Variants in RBFOX1 observed in about 807,000 individuals in gnomAD.
RBFOX1 encodes the protein RNA binding fox-1 homolog 1.
RBFOX1 carries 8 observed loss-of-function variants against 57.7 expected under a neutral mutation model. That is an observed-to-expected ratio of 0.14 (90% CI 0.08 to 0.25). The LOEUF is 0.25. RBFOX1 is among the 10% of genes least tolerant of loss of function. RBFOX1 has a pLI of 1.00. For missense variants in RBFOX1, 611 were observed against 548.5 expected (o/e 1.11, Z -1.14); for synonymous variants, 326 against 222.4 (o/e 1.47, Z -4.15).
chr16:6,813,052 C>G (rs564104407), intron 3 of RBFOX1, among the ~76,000 whole-genome samples: 1 of 151,786 alleles, frequency 6.6e-6, no homozygotes, highest in Non-Finnish European at 1.5e-5. Context: ...GGCAACCAGT[C>G]AAACAATGCT....
chr16:5,600,627 G>A (rs1259955520), downstream of RBFOX1, among the ~76,000 whole-genome samples: 1 of 151,976 alleles, frequency 6.6e-6, no homozygotes, highest in Non-Finnish European at 1.5e-5. Flanking sequence ...AGGGCCCACT[G>A]CTTGGTGTAA....
At chr16:7,265,104 A>C (rs2095075711) in intron 4 of RBFOX1, among the ~76,000 whole-genome samples, 1 of 152,236 alleles carries the variant, frequency 6.6e-6, no homozygotes, top group African/African-American at 2.4e-5. Context: ...ATATTTATTG[A>C]ATTACTAATA....
rs537039434 is a variant in RBFOX1, at chr16:6,447,166, T to C, written c.-64+130109T>C. 7.9e-5 allele frequency among the ~76,000 whole-genome samples: 12 copies of C among 152,312 alleles called. 1 individual carries two copies. The highest frequency in any genetic ancestry group is 2.9e-4 in the African/African-American group (12 of 41,568). On this transcript the variant is annotated intron_variant, in intron 2 of 15. Coordinates refer to ENST00000550418, the MANE Select transcript of RBFOX1 (RefSeq NM_018723.4). ...TATTGGACTTTTTTTCCTTCAAGCG[T>C]TGCATTATGTACATTTCCTATCTGT... is the stretch of plus-strand genomic sequence containing the variant.
chr16:7,434,120 G>A (rs754093257), intron 4 of RBFOX1, among the ~76,000 whole-genome samples: 4 of 152,052 alleles, frequency 2.6e-5, no homozygotes, highest in Non-Finnish European at 5.9e-5. Context: ...AGAGCACGGA[G>A]TAAAGTTTCA....
intron 4 of RBFOX1, among the ~76,000 whole-genome samples, chr16:7,382,200 C>G (rs559766003): frequency 6.6e-6 from 1 of 152,242 alleles, no homozygotes; most frequent in South Asian, 2.1e-4. Flanking sequence ...TATGAAGACT[C>G]CATTTCAGTA....
At chr16:5,501,132 A>G (rs1022488887) in intron 2 of RBFOX1, among the ~76,000 whole-genome samples, 17 of 152,204 alleles carry the variant, frequency 1.1e-4, no homozygotes, top group Admixed American at 3.9e-4. Flanking sequence ...CTTGGCCAAC[A>G]TGGTGAAACC....
chr16:6,237,869 G>A (rs893911774), intron 1 of RBFOX1, among the ~76,000 whole-genome samples: 1 of 151,934 alleles, frequency 6.6e-6, no homozygotes, highest in Non-Finnish European at 1.5e-5. Flanking sequence ...CAAGGTGGGC[G>A]GGTCAGGAGG....
At chr16:6,706,701 C>T (rs1201171185) in intron 3 of RBFOX1, among the ~76,000 whole-genome samples, 1 of 128,474 alleles carries the variant, frequency 7.8e-6, no homozygotes, top group African/African-American at 2.9e-5. Flanking sequence ...CTAATGGCTA[C>T]AGCTGCAGTC....
intron 1 of RBFOX1, among the ~76,000 whole-genome samples, chr16:6,068,912 C>G (rs745609386): frequency 1.3e-5 from 2 of 152,068 alleles, no homozygotes; most frequent in Admixed American, 6.6e-5. Flanking sequence ...ATAAGCATTC[C>G]GACACTCAGT....
chr16:5,507,945 C>A (rs2043435654), intron 2 of RBFOX1, among the ~76,000 whole-genome samples: 1 of 152,042 alleles, frequency 6.6e-6, no homozygotes, highest in African/African-American at 2.4e-5. Flanking sequence ...TTGTTTTAGG[C>A]CATCTGGTTT....
At chr16:5,929,981 C>T (rs1467832776) in intron 4 of RBFOX1, among the ~76,000 whole-genome samples, 1 of 151,342 alleles carries the variant, frequency 6.6e-6, no homozygotes, top group Non-Finnish European at 1.5e-5. Flanking sequence ...AGGAGAAAGA[C>T]GGATGCACTA....
At chr16:7,612,798 A>G (rs1244381912) in intron 10 of RBFOX1, among the ~76,000 whole-genome samples, 3 of 152,168 alleles carry the variant, frequency 2.0e-5, no homozygotes, top group Admixed American at 6.5e-5. Flanking sequence ...CTGTTTCTCA[A>G]TTGCCAGTAA....
rs190455866 is a variant in RBFOX1 at position 6,009,988 on chromosome 16, C to G, written c.351+142653C>G. Among the ~76,000 whole-genome samples the G allele has an allele frequency of 1.6e-3, 248 of 152,266 alleles. 2 individuals are homozygous for G. The highest frequency in any genetic ancestry group is 5.4e-3 in the African/African-American group (225 of 41,548). ...GACAGCCACAGCACATTTTGACATT[C>G]CGTCAGTGGAGCTCCATGGATGAGG... On this transcript the variant is annotated intron_variant, in intron 4 of 19. Transcript: ENST00000641259.
intron 1 of RBFOX1, among the ~76,000 whole-genome samples, chr16:6,055,994 A>G (rs1164825567): frequency 6.6e-6 from 1 of 152,130 alleles, no homozygotes; most frequent in African/African-American, 2.4e-5. Context: ...TCCTCTGTCT[A>G]CTATGTGATA....
At chr16:7,024,481 C>T (rs1250203985) in intron 3 of RBFOX1, among the ~76,000 whole-genome samples, 1 of 152,184 alleles carries the variant, frequency 6.6e-6, no homozygotes, top group Non-Finnish European at 1.5e-5. Context: ...CTCTCATGCA[C>T]TTCTTAATAA....
In RBFOX1 at chr16:7,026,906, A is replaced by G. The variant is rs116433806; in HGVS notation, c.-15-25151A>G. 3.6e-3 allele frequency among the ~76,000 whole-genome samples: 543 copies of G among 152,334 alleles called. 5 individuals carry two copies. The highest frequency in any genetic ancestry group is 0.012 in the African/African-American group (506 of 41,582). On this transcript the variant is annotated intron_variant, in intron 3 of 15. Transcript: ENST00000550418. Reference sequence around the variant, plus strand: ...TTGCTTAGAGCAGCCTGTGCCCCGTAGGGTAATACCGGAGCTGGCGGCCTC... The same window carrying G: ...TTGCTTAGAGCAGCCTGTGCCCCGTGGGGTAATACCGGAGCTGGCGGCCTC...
intron 1 of RBFOX1, among the ~76,000 whole-genome samples, chr16:6,052,609 T>C (rs945505216): frequency 5.3e-5 from 8 of 151,636 alleles, no homozygotes; most frequent in African/African-American, 4.8e-5. Flanking sequence ...TTGGTGAAAC[T>C]CTGTCTCTAC....
intron 3 of RBFOX1, among the ~76,000 whole-genome samples, chr16:5,730,903 T>A (rs908333643): frequency 6.6e-6 from 1 of 151,864 alleles, no homozygotes; most frequent in African/African-American, 2.4e-5. Context: ...GTCATCACCA[T>A]CAACATCTCC....
chr16:6,586,297 T>C (rs1174905446), intron 2 of RBFOX1, among the ~76,000 whole-genome samples: 1 of 152,206 alleles, frequency 6.6e-6, no homozygotes, highest in Non-Finnish European at 1.5e-5. Context: ...GTATTCTATA[T>C]TGTGCATAGA....
Sources: allele counts gnomAD v4.1 joint callset (sites outside exome capture counted in the v4.1 genomes callset), GRCh38; gene constraint gnomAD v4.1.1; transcripts MANE v1.5; gene names NCBI Gene and HGNC (gene_info 2026-07-23, HGNC 2026-07-21).